DAW1: variants seen among roughly 807,000 people sequenced by gnomAD.
DAW1 encodes the protein dynein assembly factor with WD repeats 1.
Under a neutral mutation model 56.5 loss-of-function variants are expected in DAW1, and 47 were observed. The ratio of observed to expected loss-of-function variants is 0.83; its 90% CI spans 0.66 to 1.06. The LOEUF (loss-of-function observed/expected upper bound fraction) is 1.06, where lower values mean the gene tolerates loss of function less well. Among genes scored for constraint, DAW1 ranks in the 50% least tolerant of loss-of-function variants. DAW1 has a pLI of 0.00. For missense variants in DAW1, 505 were observed against 499.3 expected, an observed-to-expected ratio of 1.01 and a Z score of -0.11; for synonymous variants, 190 against 179.0, an observed-to-expected ratio of 1.06 and a Z score of -0.49.
chr2:227,871,734 G>C lies in DAW1; in HGVS notation c.40+5G>C. ...TGCTCCGGTATTACCCGCCAGGTAC[G>C]CACCAGCCCGGCCCCGTCATCCCCA... is the stretch of plus-strand genomic sequence containing the variant. On this transcript the variant is annotated splice_donor_5th_base_variant and intron_variant, in intron 1 of 12. Transcript: ENST00000309931. 6.2e-7 allele frequency: 1 copy of C among 1,613,860 alleles called. No individual in the cohort carries two copies. Among genetic ancestry groups the C allele is most frequent in the Non-Finnish European group, 8.5e-7 (1 of 1,179,898 alleles).
At chr2:227,918,081 T>C (rs1692006020) in intron 10 of DAW1, among the ~76,000 whole-genome samples, 1 of 152,146 alleles carries the variant, frequency 6.6e-6, no homozygotes, top group Non-Finnish European at 1.5e-5. Context: ...ATTCATCCTT[T>C]ACTGATGAGG....
intron 10 of DAW1, among the ~76,000 whole-genome samples, chr2:227,911,290 A>G (rs1691818471): frequency 7.1e-6 from 1 of 141,442 alleles, no homozygotes. Flanking sequence ...GTATATATAC[A>G]TATATACACG....
rs941435360 is a variant in DAW1 at position 227,924,168 on chromosome 2, G to A, written c.*200G>A. 1.3e-5 allele frequency: 8 copies of A among 630,540 alleles called. No homozygotes were observed. The highest frequency in any genetic ancestry group is 2.7e-4 in the Middle Eastern group (1 of 3,706). 39.1% of individuals were successfully genotyped at this position (630,540 alleles called of 1,614,324 possible). A position where few individuals can be genotyped will look rare whatever the true frequency, so the allele number is the denominator to read the frequency against. ...CACTCCAATATTATTATTTGATGGC[G>A]ATGGCAGGACACAGCATAATGTTTG... On this transcript the variant is annotated 3_prime_UTR_variant, in exon 13 of 13. Coordinates refer to ENST00000309931, the MANE Select transcript of DAW1 (RefSeq NM_178821.3).
At position 227,912,512 on chromosome 2, in the gene DAW1, A is replaced by G. The variant is rs16824195; in HGVS notation, c.973+5260A>G. On this transcript the variant is annotated intron_variant, in intron 10 of 12. Transcript: ENST00000309931. ...TTCCTTATCTTCTTGATGATCATAT[A>G]TAATGCTGCACTGTCTAGTATGTCT... The G allele has an allele frequency of 1.3e-3, 1,617 of 1,293,340 alleles. 16 individuals carry two copies. In the African/African-American group the frequency reaches 0.021, roughly 17 times the overall value. The allele number at this position is 1,293,340 out of a possible 1,614,324, so 80.1% of individuals were successfully genotyped here.
chr2:227,889,159 G>C (rs181888316), intron 2 of DAW1, among the ~76,000 whole-genome samples: 83 of 152,270 alleles, frequency 5.5e-4, no homozygotes, highest in African/African-American at 1.9e-3. Context: ...AAACAGGAAA[G>C]AAAGAAAAAG....
At chr2:227,877,032 A>G (rs1244242821) in intron 1 of DAW1, among the ~76,000 whole-genome samples, 2 of 152,224 alleles carry the variant, frequency 1.3e-5, no homozygotes, top group African/African-American at 4.8e-5. Context: ...AATATACTGA[A>G]AAATTTGAGG....
chr2:227,893,828 G>T lies in DAW1; in HGVS notation c.351G>T (p.Lys117Asn), dbSNP rs1448677924. Residue 117 changes from lysine (K) to asparagine (N), a missense_variant, in exon 5 of 13, where the codon AAG becomes AAT. By Grantham distance (94) the Lys-to-Asn change is moderately conservative. Transcript: ENST00000309931. ...FITGSYDRTC[K>N]LWDTASGEEL... ...CAGGAAGCTATGATCGGACGTGCAA[G>T]CTCTGGGACACTGCGTCTGGAGAGG... 4 of 1,613,692 alleles carry T rather than the reference G, an allele frequency of 2.5e-6. No individual in the cohort carries two copies. The Admixed American group carries it at 6.7e-5, about 27-fold the overall frequency.
chr2:227,887,493 T>C (rs1422159987), intron 2 of DAW1: 10 of 152,254 alleles, frequency 6.6e-5, no homozygotes, highest in Non-Finnish European at 1.0e-4. Flanking sequence ...GATAGGCTTT[T>C]TGTCTAGTTT....
rs950649147 is a variant in DAW1 at position 227,903,054 on chromosome 2, A to G, written c.593A>G (p.Asp198Gly). 1.9e-6 allele frequency: 3 copies of G among 1,614,064 alleles called. No individual in the cohort carries two copies. The highest frequency in any genetic ancestry group is 1.3e-5 in the African/African-American group (1 of 74,908). Residue 198 changes from aspartate (D) to glycine (G), a missense_variant, in exon 7 of 13, where the codon GAC (aspartate) becomes GGC (glycine). By Grantham distance (94) the Asp-to-Gly change is moderately conservative. Coordinates refer to ENST00000309931, the MANE Select transcript of DAW1 (RefSeq NM_178821.3). ...QSTLVATGSM[D>G]TTAKLWDIQN... is the part of the protein sequence containing the mutation. ...ACATTGGTGGCGACTGGAAGTATGG[A>G]CACAACAGCCAAATTGTGGGACATT...
In DAW1 at chr2:227,886,953, G is replaced by A. The variant is rs1431659062; in HGVS notation, c.113+1530G>A. ...TGTTTTAGGTTTGTGGCCTGAGACC[G>A]TAAGCAAAAGGAGCTTTCTTATATG... On this transcript the variant is annotated intron_variant, in intron 2 of 12. Transcript: ENST00000309931. 3.9e-5 allele frequency among the ~76,000 whole-genome samples: 6 copies of A among 152,310 alleles called. No homozygotes were observed. The East Asian group carries it at 5.8e-4, about 15-fold the overall frequency.
chr2:227,917,854 A>C (rs1692000231), intron 10 of DAW1, among the ~76,000 whole-genome samples: 1 of 152,184 alleles, frequency 6.6e-6, no homozygotes, highest in Admixed American at 6.5e-5. Flanking sequence ...ACATTGTCAG[A>C]AAGGCAAGTA....
In DAW1 at chr2:227,920,650, TA is replaced by T. The variant is rs1201862535; in HGVS notation, c.1051-743del. Among the ~76,000 whole-genome samples, 8 of 152,218 alleles carry T rather than the reference TA, an allele frequency of 5.3e-5. No individual in the cohort carries two copies. The East Asian group carries it at 1.5e-3, about 29-fold the overall frequency. On this transcript the variant is annotated intron_variant, in intron 11 of 12. Coordinates refer to ENST00000309931, the MANE Select transcript of DAW1 (RefSeq NM_178821.3). ...ATTAGAGAAGGATCTGTGTGCTTTT[TA>T]AAAAATTTTTATTTATTTATTTTTA...
chr2:227,903,021 C>G lies in DAW1; in HGVS notation c.560C>G (p.Pro187Arg). 6.2e-7 allele frequency: 1 copy of G among 1,614,136 alleles called. No individual in the cohort carries two copies. The highest frequency in any genetic ancestry group is 8.5e-7 in the Non-Finnish European group (1 of 1,180,020). ...ATTTAGGTGTGTTTATCATTTAACC[C>G]TCAAAGCACATTGGTGGCGACTGGA... ...TAEIVCLSFN[P>R]QSTLVATGSM... The change falls in exon 7 of 13, where the codon CCT (proline) becomes CGT (arginine). Residue 187 changes from proline (P) to arginine (R), a missense_variant. By Grantham distance (103) the Pro-to-Arg change is moderately radical. Transcript: ENST00000309931.
At chr2:227,887,968 T>C (rs1320233971) in intron 2 of DAW1, among the ~76,000 whole-genome samples, 1 of 152,206 alleles carries the variant, frequency 6.6e-6, no homozygotes, top group Non-Finnish European at 1.5e-5. Context: ...AAATCTGTTT[T>C]TATATAAGTT....
At chr2:227,894,461 C>T (rs182767207) in intron 5 of DAW1, among the ~76,000 whole-genome samples, 39 of 152,074 alleles carry the variant, frequency 2.6e-4, no homozygotes, top group Admixed American at 1.7e-3. Context: ...AAGGATCGCA[C>T]GGTAGTAAAG....
chr2:227,902,197 G>A (rs1247046305), intron 6 of DAW1, among the ~76,000 whole-genome samples: 2 of 152,192 alleles, frequency 1.3e-5, no homozygotes, highest in Non-Finnish European at 2.9e-5. Flanking sequence ...TTTCTGTGCT[G>A]TTCTCTTAAG....
intron 2 of DAW1, 48 bp from the exon 3 acceptor site, chr2:227,889,808 C>A (rs1484698534): frequency 3.3e-6 from 5 of 1,497,274 alleles, no homozygotes; most frequent in East Asian, 4.9e-5. Context: ...TAGGTATATG[C>A]AAATTTTGAC....
intron 6 of DAW1, among the ~76,000 whole-genome samples, chr2:227,899,681 A>G (rs1691491869): frequency 6.6e-6 from 1 of 152,214 alleles, no homozygotes; most frequent in Admixed American, 6.5e-5. Context: ...GAAAGAGCAA[A>G]CAAGAACATA....
intron 7 of DAW1, among the ~76,000 whole-genome samples, chr2:227,904,078 C>T (rs1319248988): frequency 3.3e-5 from 5 of 151,984 alleles, no homozygotes; most frequent in African/African-American, 1.2e-4. Context: ...TAAAATGACT[C>T]CTTTTACAGA....
Sources: gnomAD v4.1 joint callset for allele counts (sites outside exome capture counted in the v4.1 genomes callset) on GRCh38, gnomAD v4.1.1 for gene constraint, MANE v1.5 for transcripts, NCBI Gene and HGNC (gene_info 2026-07-23, HGNC 2026-07-21) for gene names.